KALRN: variants seen among roughly 807,000 people sequenced by gnomAD.
KALRN encodes the protein kalirin RhoGEF kinase, also known as kalirin.
In KALRN, 70 loss-of-function variants were observed where a neutral mutation model predicts 353.7. That is an observed-to-expected ratio of 0.20 (90% CI 0.16 to 0.24). KALRN has a LOEUF of 0.24. KALRN is among the 10% of genes least tolerant of loss of function. KALRN has a pLI of 1.00. For synonymous variants in KALRN, 1,391 were observed against 1,434.8 expected (o/e 0.97, Z 0.69); for missense variants, 2,791 against 3,756.7 (o/e 0.74, Z 6.72).
At chr3:124,177,403 C>G (rs907390861) in intron 1 of KALRN, among the ~76,000 whole-genome samples, 1 of 152,146 alleles carries the variant, frequency 6.6e-6, no homozygotes, top group African/African-American at 2.4e-5. Flanking sequence ...AACAGCAAGT[C>G]TTTTCAGTTG....
At chr3:124,671,030 C>G (rs2086363993) in intron 47 of KALRN, among the ~76,000 whole-genome samples, 1 of 152,176 alleles carries the variant, frequency 6.6e-6, no homozygotes, top group Non-Finnish European at 1.5e-5. Context: ...CTACCTCTCG[C>G]TTTTACCATT....
chr3:124,214,992 T>A (rs909256668), intron 1 of KALRN, among the ~76,000 whole-genome samples: 5 of 152,204 alleles, frequency 3.3e-5, no homozygotes, highest in African/African-American at 1.2e-4. Context: ...GTAGGCATGC[T>A]TCTCAGAAAT....
At chr3:124,563,255 A>T (rs1171548117) in intron 34 of KALRN, among the ~76,000 whole-genome samples, 166 bp downstream of exon 34, 2 of 152,128 alleles carry the variant, frequency 1.3e-5, no homozygotes, top group Non-Finnish European at 2.9e-5. Context: ...GAACTTGGAG[A>T]GGAAGAGCTC....
chr3:124,253,907 A>G (rs1039475806), intron 3 of KALRN, among the ~76,000 whole-genome samples: 1 of 152,176 alleles, frequency 6.6e-6, no homozygotes, highest in African/African-American at 2.4e-5. Context: ...GGTGCTTGTT[A>G]TGGGTCTCTG....
intron 28 of KALRN, among the ~76,000 whole-genome samples, chr3:124,484,321 T>A (rs1269204000): frequency 6.6e-6 from 1 of 152,046 alleles, no homozygotes; most frequent in Admixed American, 6.5e-5. Context: ...TGAGTCAGAG[T>A]GGGGCCGTGC....
At chr3:124,625,932 T>G (rs138469721) in intron 34 of KALRN, among the ~76,000 whole-genome samples, 2,280 of 152,064 alleles carry the variant, frequency 0.015, 57 homozygotes, top group African/African-American at 0.052. Context: ...AATACAAAAA[T>G]TAGCAGGGTG....
intron 33 of KALRN, among the ~76,000 whole-genome samples, chr3:124,521,724 C>T (rs1035547353): frequency 1.3e-5 from 2 of 152,252 alleles, no homozygotes; most frequent in African/African-American, 2.4e-5. Flanking sequence ...AGAGTTATCT[C>T]GGAGCCCAGA....
At chr3:124,294,083 T>C (rs541527556) in intron 5 of KALRN, among the ~76,000 whole-genome samples, 1 of 151,960 alleles carries the variant, frequency 6.6e-6, no homozygotes, top group African/African-American at 2.4e-5. Flanking sequence ...GCAGGCTAGA[T>C]ATTGACAGGG....
chr3:124,667,875 C>G (rs2085848761), intron 47 of KALRN, among the ~76,000 whole-genome samples: 1 of 152,072 alleles, frequency 6.6e-6, no homozygotes, highest in Non-Finnish European at 1.5e-5. Flanking sequence ...TCACACTGAG[C>G]TTGGCATGGG....
chr3:124,135,661 G>A (rs2065843967), intron 1 of KALRN, among the ~76,000 whole-genome samples: 1 of 151,246 alleles, frequency 6.6e-6, no homozygotes, highest in African/African-American at 2.5e-5. Context: ...AGCGAATCAA[G>A]ATGCTGGGAT....
chr3:124,280,752 G>A (rs1167439924), intron 5 of KALRN, among the ~76,000 whole-genome samples: 1 of 152,132 alleles, frequency 6.6e-6, no homozygotes, highest in Non-Finnish European at 1.5e-5. Flanking sequence ...AAATACAGGA[G>A]GATGTCTTCT....
rs118047682 is a variant in KALRN at position 124,231,070 on chromosome 3, C to T, written c.148+3006C>T. On this transcript the variant is annotated intron_variant, in intron 2 of 59. Coordinates refer to ENST00000682506, the MANE Select transcript of KALRN (RefSeq NM_001388419.1). ...GTTTGTTAATTGAGCCTGCCCTCCT[C>T]TGCTAGCGCCCAGCCTTGGCCAGGC... Among the ~76,000 whole-genome samples, 77 of 152,352 alleles carry T rather than the reference C, an allele frequency of 5.1e-4. 1 individual carries two copies. In the East Asian group the frequency reaches 0.012, roughly 23 times the overall value.
rs2063624135 is a variant in KALRN at position 124,118,134 on chromosome 3, G to GA, written c.73+84321_73+84322insA. On this transcript the variant is annotated intron_variant, in intron 1 of 59. Transcript: ENST00000682506. Reference sequence around the variant, plus strand: ...AGGCAGAGGAGAGTGCCTTCCCTCAGGGTGACTGTCAGACTTTCCAGCCCC... The same window carrying GA: ...AGGCAGAGGAGAGTGCCTTCCCTCAGAGGTGACTGTCAGACTTTCCAGCCCC... Among the ~76,000 whole-genome samples, 4 of 152,148 alleles carry GA rather than the reference G, an allele frequency of 2.6e-5. No homozygotes were observed. In the South Asian group the frequency reaches 8.3e-4, roughly 32 times the overall value.
At chr3:124,505,617 C>A (rs1040620692) in intron 33 of KALRN, among the ~76,000 whole-genome samples, 19 of 152,042 alleles carry the variant, frequency 1.2e-4, no homozygotes, top group African/African-American at 4.3e-4. Context: ...TGGAGTGAGA[C>A]CCTGTCTCAA....
intron 10 of KALRN, among the ~76,000 whole-genome samples, chr3:124,374,175 C>G (rs1318525528): frequency 2.0e-5 from 3 of 152,214 alleles, no homozygotes; most frequent in Non-Finnish European, 4.4e-5. Context: ...GTGAGAAGAT[C>G]ATCTGTGAAC....
At chr3:124,235,253 A>C (rs1435223574) in intron 3 of KALRN, among the ~76,000 whole-genome samples, 1 of 152,194 alleles carries the variant, frequency 6.6e-6, no homozygotes. Context: ...TTGCCCCCAA[A>C]GAGAGTGAAA....
intron 34 of KALRN, among the ~76,000 whole-genome samples, chr3:124,582,219 C>T (rs6789793): frequency 0.25 from 37,894 of 152,024 alleles, 4,885 homozygotes; most frequent in East Asian, 0.33. Flanking sequence ...TGGGGTTTCA[C>T]CATGTTGGCC....
At chr3:124,657,945 G>T (rs1210920654) in intron 41 of KALRN, 142 bp downstream of exon 41, 6 of 656,622 alleles carry the variant, frequency 9.1e-6, no homozygotes, top group Non-Finnish European at 1.3e-5. Flanking sequence ...CTTGACCCCA[G>T]GAATTGAGAC....
chr3:124,459,848 G>A (rs1218918880), intron 23 of KALRN, among the ~76,000 whole-genome samples: 2 of 152,224 alleles, frequency 1.3e-5, no homozygotes, highest in Admixed American at 1.3e-4. Flanking sequence ...TAAAGCTGCT[G>A]TGTGAATCAG....
Sources: allele counts gnomAD v4.1 joint callset (sites outside exome capture counted in the v4.1 genomes callset), GRCh38; gene constraint gnomAD v4.1.1; transcripts MANE v1.5; gene names NCBI Gene and HGNC (gene_info 2026-07-23, HGNC 2026-07-21).